Variants in AKAP19 observed in about 807,000 individuals in gnomAD.
The protein encoded by AKAP19 is A-kinase anchoring protein 19, also known as small A-kinase anchoring protein.
At chr2:190,058,210 T>C in the AKAP19 span, among the ~76,000 whole-genome samples, 2 of 152,060 alleles carry the variant, frequency 1.3e-5, no homozygotes, top group Non-Finnish European at 2.9e-5. Context: ...AAAATGTTTC[T>C]ATTCAGGTAT....
At chr2:189,880,797 C>A in the AKAP19 span, among the ~76,000 whole-genome samples, 2 of 152,032 alleles carry the variant, frequency 1.3e-5, no homozygotes, top group African/African-American at 4.8e-5. Flanking sequence ...CATTTGGGGA[C>A]CCCAAATGTT....
At chr2:190,175,116 C>G in the AKAP19 span, among the ~76,000 whole-genome samples, 1 of 152,056 alleles carries the variant, frequency 6.6e-6, no homozygotes, top group African/African-American at 2.4e-5. Context: ...AAATCAGACG[C>G]TTATTTATTT....
chr2:189,995,182 A>T, the AKAP19 span, among the ~76,000 whole-genome samples: 1 of 152,008 alleles, frequency 6.6e-6, no homozygotes, highest in South Asian at 2.1e-4. Context: ...GTCTTTGTTG[A>T]CTTCTGTCTT....
chr2:190,059,948 A>G, the AKAP19 span: 1 of 1,106,426 alleles, frequency 9.0e-7, no homozygotes, highest in Non-Finnish European at 1.3e-6. Context: ...GGGGTAAGAT[A>G]CCTTTGTCTA....
the AKAP19 span, among the ~76,000 whole-genome samples, chr2:189,936,128 G>A: frequency 6.6e-6 from 1 of 151,812 alleles, no homozygotes; most frequent in Non-Finnish European, 1.5e-5. Context: ...CTATACAGGA[G>A]TAATATTGAA....
At chr2:189,972,606 A>G in the AKAP19 span, among the ~76,000 whole-genome samples, 2 of 152,126 alleles carry the variant, frequency 1.3e-5, no homozygotes, top group African/African-American at 4.8e-5. Context: ...GATTCTTCCT[A>G]TCCATGAGCA....
chr2:190,186,416 A>G, the AKAP19 span, among the ~76,000 whole-genome samples: 1 of 152,208 alleles, frequency 6.6e-6, no homozygotes, highest in Non-Finnish European at 1.5e-5. This position sits in a 1 kb window ranked among gnomAD's most constrained non-coding sequence, Gnocchi z 5.5. Flanking sequence ...GTGTGACCAC[A>G]TGGAGTCATC....
At chr2:190,045,873 T>A in the AKAP19 span, among the ~76,000 whole-genome samples, 2 of 152,296 alleles carry the variant, frequency 1.3e-5, no homozygotes. Context: ...GTCTCCATGC[T>A]TGCCTGAACA....
the AKAP19 span, among the ~76,000 whole-genome samples, chr2:190,000,322 A>G: frequency 2.0e-5 from 3 of 152,230 alleles, no homozygotes; most frequent in South Asian, 6.2e-4. Context: ...TGTTACTAGA[A>G]CAGACAGAAA....
the AKAP19 span, among the ~76,000 whole-genome samples, chr2:190,038,901 T>TTTCTTTCTTTCTTTCTTTCTTTCTTC: frequency 1.1e-4 from 5 of 46,018 alleles, no homozygotes; most frequent in African/African-American, 3.6e-4. Context: ...TCTTTCTTTC[T>TTTCTTTCTTTCTTTCTTTCTTTCTTC]TTCTTCTTCT....
At chr2:190,020,273 G>T in the AKAP19 span, among the ~76,000 whole-genome samples, 2 of 152,112 alleles carry the variant, frequency 1.3e-5, no homozygotes, top group South Asian at 4.1e-4. Context: ...ATTTAGAAAA[G>T]AGCTTATTCA....
chr2:189,965,827 CA>C, the AKAP19 span, among the ~76,000 whole-genome samples: 1 of 151,942 alleles, frequency 6.6e-6, no homozygotes, highest in Non-Finnish European at 1.5e-5. Flanking sequence ...AGAAGTCATA[CA>C]AAAAAGATAC....
the AKAP19 span, among the ~76,000 whole-genome samples, chr2:190,077,461 A>ATGT: frequency 1.3e-5 from 2 of 151,390 alleles, no homozygotes; most frequent in African/African-American, 4.9e-5. Context: ...ACATGTTAAC[A>ATGT]TGTTAACATG....
At chr2:189,988,397 T>C in the AKAP19 span, among the ~76,000 whole-genome samples, 1 of 152,230 alleles carries the variant, frequency 6.6e-6, no homozygotes, top group Non-Finnish European at 1.5e-5. Flanking sequence ...TTTAACTTGG[T>C]GGCTGGTGGC....
chr2:190,142,599 GCC>G, the AKAP19 span, among the ~76,000 whole-genome samples: 1 of 152,142 alleles, frequency 6.6e-6, no homozygotes, highest in Non-Finnish European at 1.5e-5. Context: ...AATCTTATAT[GCC>G]AGTAAACTTC....
chr2:189,917,098 C>T, the AKAP19 span, among the ~76,000 whole-genome samples: 5 of 152,190 alleles, frequency 3.3e-5, no homozygotes, highest in Non-Finnish European at 7.4e-5. Context: ...TATACTGTAA[C>T]TCTTATAGCA....
the AKAP19 span, among the ~76,000 whole-genome samples, chr2:189,895,061 C>T: frequency 1.3e-5 from 2 of 151,720 alleles, 1 homozygote; most frequent in South Asian, 4.2e-4. Flanking sequence ...GTGACTTGAA[C>T]ACTATTTGCA....
chr2:189,925,767 G>A, the AKAP19 span, among the ~76,000 whole-genome samples: 2 of 152,070 alleles, frequency 1.3e-5, no homozygotes, highest in African/African-American at 4.8e-5. Context: ...TGTCAGTAAA[G>A]AGATGACTAA....
chr2:190,142,253 T>A, the AKAP19 span, among the ~76,000 whole-genome samples: 1 of 152,228 alleles, frequency 6.6e-6, no homozygotes, highest in Non-Finnish European at 1.5e-5. Flanking sequence ...TTTAACTCTT[T>A]GTGGCACAGT....
Sources: allele counts gnomAD v4.1 joint callset (sites outside exome capture counted in the v4.1 genomes callset), GRCh38; gene constraint gnomAD v4.1.1; non-coding constraint Gnocchi (gnomAD v3.1); transcripts MANE v1.5; gene names NCBI Gene and HGNC (gene_info 2026-07-23, HGNC 2026-07-21).